The following SLC24A2 variants were observed in gnomAD, a reference collection of about 807,000 sequenced individuals.
SLC24A2 encodes sodium/potassium/calcium exchanger 2.
In SLC24A2, 36 loss-of-function variants were observed where a neutral mutation model predicts 62.0. The observed-to-expected ratio is 0.58, with a 90% CI of 0.44 to 0.77. SLC24A2 has a LOEUF of 0.77. Ranked by LOEUF, SLC24A2 falls within the 30% of genes least tolerant of loss-of-function variation. The pLI is 0.00. For missense variants in SLC24A2, 846 were observed against 817.9 expected, an observed-to-expected ratio of 1.03 and a Z score of -0.42; for synonymous variants, 358 against 294.0, an observed-to-expected ratio of 1.22 and a Z score of -2.23.
chr9:19,510,926 T>A lies in SLC24A2; in HGVS notation c.*5227A>T, dbSNP rs957882303. ...TTCTTACTCTTTCTTAAGAAATCTGTCCCTAGCCATATTAAGGGCCTCTGT... is the reference window on the plus strand; with the variant it reads ...TTCTTACTCTTTCTTAAGAAATCTGACCCTAGCCATATTAAGGGCCTCTGT... On this transcript the variant is annotated 3_prime_UTR_variant, in exon 11 of 11. Coordinates refer to ENST00000341998, the MANE Select transcript of SLC24A2 (RefSeq NM_020344.4). The A allele has an allele frequency of 6.6e-6, 1 of 152,342 alleles. No individual in the cohort carries two copies. The highest frequency in any genetic ancestry group is 1.5e-5 in the Non-Finnish European group (1 of 68,066). 9.4% of individuals were successfully genotyped at this position (152,342 alleles called of 1,614,324 possible).
At chr9:20,070,773 T>A in the SLC24A2 span, among the ~76,000 whole-genome samples, 2 of 152,166 alleles carry the variant, frequency 1.3e-5, no homozygotes, top group Admixed American at 6.5e-5. Flanking sequence ...CAGAACAAGA[T>A]TGATTAGCCC....
chr9:19,792,200 G>A (rs1823326879), upstream of SLC24A2, among the ~76,000 whole-genome samples: 1 of 152,132 alleles, frequency 6.6e-6, no homozygotes, highest in African/African-American at 2.4e-5. Context: ...AACATCCCCA[G>A]GGGGCCACAG....
At chr9:20,294,959 G>C in the SLC24A2 span, among the ~76,000 whole-genome samples, 15 of 151,440 alleles carry the variant, frequency 9.9e-5, no homozygotes, top group Admixed American at 4.0e-4. Flanking sequence ...ACCCATTTTA[G>C]ATCAGGTATA....
At chr9:20,106,855 T>G in the SLC24A2 span, among the ~76,000 whole-genome samples, 1 of 151,988 alleles carries the variant, frequency 6.6e-6, no homozygotes, top group African/African-American at 2.4e-5. Context: ...CCAGGGCAAT[T>G]AGGCAGGAGA....
chr9:19,671,156 C>A (rs901670730), intron 2 of SLC24A2, among the ~76,000 whole-genome samples: 3 of 100,700 alleles, frequency 3.0e-5, no homozygotes, highest in East Asian at 7.4e-4. Context: ...GTCATTTTCA[C>A]AATATTGATT....
chr9:19,968,124 G>C, the SLC24A2 span: 2 of 152,106 alleles, frequency 1.3e-5, no homozygotes, highest in Admixed American at 6.6e-5. Context: ...CAGATTAAAT[G>C]AGTTGATACA....
the SLC24A2 span, among the ~76,000 whole-genome samples, chr9:19,936,636 C>T: frequency 6.6e-6 from 1 of 152,126 alleles, no homozygotes; most frequent in Non-Finnish European, 1.5e-5. Flanking sequence ...CTCTGATTAA[C>T]AGGTTTATAT....
chr9:19,629,108 C>G (rs1008045631), intron 2 of SLC24A2, among the ~76,000 whole-genome samples: 1 of 152,110 alleles, frequency 6.6e-6, no homozygotes, highest in Non-Finnish European at 1.5e-5. Flanking sequence ...CTCCCCCTTT[C>G]AACACATGAG....
At chr9:19,996,774 C>A in the SLC24A2 span, among the ~76,000 whole-genome samples, 1 of 150,068 alleles carries the variant, frequency 6.7e-6, no homozygotes, top group African/African-American at 2.5e-5. Context: ...AAAAGGAGAT[C>A]CATCATGATT....
At chr9:20,287,411 T>A in the SLC24A2 span, among the ~76,000 whole-genome samples, 1 of 152,140 alleles carries the variant, frequency 6.6e-6, no homozygotes, top group Non-Finnish European at 1.5e-5. Flanking sequence ...CCTGCCCAGG[T>A]AACTTTTATA....
At chr9:19,985,423 T>C in the SLC24A2 span, among the ~76,000 whole-genome samples, 1 of 152,188 alleles carries the variant, frequency 6.6e-6, no homozygotes, top group Non-Finnish European at 1.5e-5. Context: ...AATGAATTAC[T>C]GATACATATG....
At chr9:19,596,792 G>A (rs1005747594) in intron 5 of SLC24A2, among the ~76,000 whole-genome samples, 2 of 152,154 alleles carry the variant, frequency 1.3e-5, no homozygotes, top group Admixed American at 6.6e-5. Flanking sequence ...CTGGTTCTGG[G>A]TATAGAAGAT....
At chr9:19,723,880 A>G (rs553453177) in intron 2 of SLC24A2, among the ~76,000 whole-genome samples, 2 of 152,252 alleles carry the variant, frequency 1.3e-5, no homozygotes, top group East Asian at 3.9e-4. Flanking sequence ...TTGAGAGTCT[A>G]CTAGATACTG....
At chr9:20,247,019 C>A in the SLC24A2 span, among the ~76,000 whole-genome samples, 2 of 152,266 alleles carry the variant, frequency 1.3e-5, no homozygotes, top group Middle Eastern at 3.4e-3. Flanking sequence ...AAGTGAGACT[C>A]CTTTCACAGA....
At chr9:19,850,983 AT>A in the SLC24A2 span, among the ~76,000 whole-genome samples, 1 of 39,594 alleles carries the variant, frequency 2.5e-5, no homozygotes. Context: ...ATATATATAT[AT>A]GTATATATAT....
chr9:19,529,953 A>T (rs1833622180), intron 8 of SLC24A2, among the ~76,000 whole-genome samples: 1 of 151,708 alleles, frequency 6.6e-6, no homozygotes, highest in Admixed American at 6.6e-5. Context: ...GGGTTTCACC[A>T]TGTTGGCCAG....
intron 7 of SLC24A2, among the ~76,000 whole-genome samples, chr9:19,560,916 T>TAGAG (rs139732950): frequency 3.4e-5 from 4 of 119,390 alleles, no homozygotes; most frequent in Non-Finnish European, 3.5e-5. Flanking sequence ...TATATATATA[T>TAGAG]AGAGAGAGAG....
At chr9:20,138,147 C>T in the SLC24A2 span, among the ~76,000 whole-genome samples, 1 of 152,132 alleles carries the variant, frequency 6.6e-6, no homozygotes, top group Admixed American at 6.6e-5. Context: ...CTAATGGAGA[C>T]AGCCCTTTGG....
At chr9:19,955,199 G>T in the SLC24A2 span, among the ~76,000 whole-genome samples, 2 of 152,044 alleles carry the variant, frequency 1.3e-5, no homozygotes, top group Non-Finnish European at 2.9e-5. Context: ...ATAACATAAT[G>T]ATGTATCTTT....
Sources: gnomAD v4.1 joint callset for allele counts (sites outside exome capture counted in the v4.1 genomes callset) on GRCh38, gnomAD v4.1.1 for gene constraint, MANE v1.5 for transcripts, NCBI Gene and HGNC (gene_info 2026-07-23, HGNC 2026-07-21) for gene names.